The following LUZP2 variants were observed in gnomAD, a reference collection of about 807,000 sequenced individuals.
LUZP2 encodes the protein leucine zipper protein 2.
LUZP2 carries 52 observed loss-of-function variants against 51.6 expected under a neutral mutation model. The observed-to-expected ratio is 1.01, with a 90% confidence interval of 0.81 to 1.27. LUZP2 has a LOEUF of 1.27. Ranked by LOEUF, LUZP2 falls within the 50% of genes most tolerant of loss-of-function variation. The pLI, the probability that LUZP2 is intolerant of heterozygous loss-of-function variation, is 0.00. For synonymous variants in LUZP2, 154 were observed against 137.3 expected (o/e 1.12, Z -0.85); for missense variants, 436 against 395.4 (o/e 1.10, Z -0.87).
At chr11:25,054,716 T>G (rs1203521491) in intron 10 of LUZP2, among the ~76,000 whole-genome samples, 1 of 152,130 alleles carries the variant, frequency 6.6e-6, no homozygotes, top group African/African-American at 2.4e-5. Flanking sequence ...TTTTGATTTT[T>G]ATTTTTAATT....
intron 5 of LUZP2, among the ~76,000 whole-genome samples, chr11:24,905,651 T>C (rs1853426230): frequency 6.6e-6 from 1 of 152,202 alleles, no homozygotes; most frequent in South Asian, 2.1e-4. Context: ...AGTTCTCCAG[T>C]ATAGACTGTA....
At chr11:24,955,881 G>A (rs974048793) in intron 7 of LUZP2, among the ~76,000 whole-genome samples, 1 of 151,970 alleles carries the variant, frequency 6.6e-6, no homozygotes, top group African/African-American at 2.4e-5. Context: ...AAGTTGTTTT[G>A]TCAAGAGGAA....
chr11:24,768,259 A>C (rs1195120625), intron 5 of LUZP2, among the ~76,000 whole-genome samples: 6 of 151,972 alleles, frequency 3.9e-5, no homozygotes, highest in Non-Finnish European at 8.8e-5. Context: ...TCAGCCTCCC[A>C]AGTATCTGGG....
chr11:24,970,816 C>T (rs1213738182), intron 7 of LUZP2, among the ~76,000 whole-genome samples: 1 of 152,134 alleles, frequency 6.6e-6, no homozygotes, highest in Non-Finnish European at 1.5e-5. Context: ...TGGAGCACTA[C>T]ACTTAGAGTG....
At chr11:24,969,988 T>C (rs1301603155) in intron 7 of LUZP2, among the ~76,000 whole-genome samples, 3 of 152,168 alleles carry the variant, frequency 2.0e-5, no homozygotes, top group Non-Finnish European at 4.4e-5. Flanking sequence ...AGATGAACCA[T>C]GCATTTGTAC....
chr11:24,861,497 T>C (rs1851739660), intron 5 of LUZP2, among the ~76,000 whole-genome samples: 1 of 152,006 alleles, frequency 6.6e-6, no homozygotes, highest in African/African-American at 2.4e-5. Context: ...ATTCAGAAAA[T>C]ACAGAGAACA....
At chr11:24,514,506 A>G (rs1382024386) in intron 1 of LUZP2, among the ~76,000 whole-genome samples, 1 of 152,170 alleles carries the variant, frequency 6.6e-6, no homozygotes, top group Non-Finnish European at 1.5e-5. Flanking sequence ...AACACATAAT[A>G]AGATCGTGCC....
At chr11:24,509,673 A>T in intron 1 of LUZP2, among the ~76,000 whole-genome samples, 1 of 150,962 alleles carries the variant, frequency 6.6e-6, no homozygotes, top group East Asian at 1.9e-4. Context: ...TCCGTAGTAT[A>T]TATTATATGC....
chr11:24,694,647 G>A (rs1385835149), intron 1 of LUZP2, among the ~76,000 whole-genome samples: 1 of 152,008 alleles, frequency 6.6e-6, no homozygotes, highest in Non-Finnish European at 1.5e-5. Flanking sequence ...CACTGTTCAC[G>A]GTAGCAAAGA....
chr11:24,631,808 C>G (rs147216293), intron 1 of LUZP2, among the ~76,000 whole-genome samples: 181 of 152,070 alleles, frequency 1.2e-3, no homozygotes, highest in African/African-American at 4.0e-3. Context: ...GTGAATCTAT[C>G]TAGTCCTGGC....
At chr11:24,815,994 T>C (rs1006469405) in intron 5 of LUZP2, among the ~76,000 whole-genome samples, 3 of 33,688 alleles carry the variant, frequency 8.9e-5, no homozygotes, top group African/African-American at 1.6e-4. Context: ...ATCTCTTATC[T>C]TCTTTTTTTT....
At chr11:24,877,474 T>C (rs1376004300) in intron 5 of LUZP2, among the ~76,000 whole-genome samples, 3 of 152,116 alleles carry the variant, frequency 2.0e-5, no homozygotes, top group Non-Finnish European at 2.9e-5. Flanking sequence ...GGGTACATAG[T>C]AAGTATATAT....
At chr11:24,903,773 A>G (rs1345793265) in intron 5 of LUZP2, among the ~76,000 whole-genome samples, 1 of 152,212 alleles carries the variant, frequency 6.6e-6, no homozygotes, top group Non-Finnish European at 1.5e-5. Flanking sequence ...TAAGCCAGAT[A>G]TAATTAAATA....
chr11:24,526,590 A>T (rs1456780717), intron 1 of LUZP2, among the ~76,000 whole-genome samples: 1 of 151,258 alleles, frequency 6.6e-6, no homozygotes, highest in African/African-American at 2.4e-5. Context: ...GTTCCATGGG[A>T]CGTTGTTAAA....
rs895542455 is a variant in LUZP2, at chr11:24,926,535, A to G, written c.522+11997A>G. Among the ~76,000 whole-genome samples the G allele has an allele frequency of 9.6e-5, 14 of 145,868 alleles. No individual in the cohort carries two copies. The East Asian group carries it at 2.0e-3, about 21-fold the overall frequency. On this transcript the variant is annotated intron_variant, in intron 7 of 11. Transcript: ENST00000336930. ...TATATACGTGTATATATGTGTGTGT[A>G]TATATATACGTGTATATATATGTGT... is the stretch of plus-strand genomic sequence containing the variant.
intron 1 of LUZP2, among the ~76,000 whole-genome samples, chr11:24,644,404 A>G (rs1855403107): frequency 6.6e-6 from 1 of 152,062 alleles, no homozygotes; most frequent in Non-Finnish European, 1.5e-5. Context: ...CAACTGCACA[A>G]TGTAGAGGAC....
Position 24,593,983 on chromosome 11 carries a change from T to C in LUZP2, c.62+96678T>C, listed in dbSNP as rs559203423. Among the ~76,000 whole-genome samples, 416 of 152,276 alleles carry C rather than the reference T, an allele frequency of 2.7e-3. 3 individuals carry two copies. Among genetic ancestry groups the C allele is most frequent in the African/African-American group, 9.4e-3 (389 of 41,552 alleles). On this transcript the variant is annotated intron_variant, in intron 1 of 11. Transcript: ENST00000336930. ...AGGGCAGGATTTAAATAGAATTACATTGCTGTTGTATATACCTGCCAGAGT... is the reference window on the plus strand; with the variant it reads ...AGGGCAGGATTTAAATAGAATTACACTGCTGTTGTATATACCTGCCAGAGT...
chr11:24,661,455 T>A (rs1394793136), intron 1 of LUZP2, among the ~76,000 whole-genome samples: 3 of 152,180 alleles, frequency 2.0e-5, no homozygotes, highest in Admixed American at 6.6e-5. Context: ...TTCTGTGGGA[T>A]CTGTTCAATG....
intron 9 of LUZP2, among the ~76,000 whole-genome samples, chr11:25,017,482 A>G (rs560588462): frequency 1.3e-5 from 2 of 152,086 alleles, no homozygotes; most frequent in Non-Finnish European, 2.9e-5. Flanking sequence ...ACATGTGGCT[A>G]TCCAGTTTTC....
Sources: allele counts gnomAD v4.1 joint callset (sites outside exome capture counted in the v4.1 genomes callset), GRCh38; gene constraint gnomAD v4.1.1; transcripts MANE v1.5; gene names NCBI Gene and HGNC (gene_info 2026-07-23, HGNC 2026-07-21).